The following NUDT17 variants were observed in gnomAD, a reference collection of about 807,000 sequenced individuals.
NUDT17 encodes the protein m7GpppN-mRNA hydrolase NUDT17.
In NUDT17, 38 loss-of-function variants were observed where a neutral mutation model predicts 38.6. The ratio of observed to expected loss-of-function variants is 0.98; its 90% confidence interval spans 0.76 to 1.29. The LOEUF is 1.29. Ranked by LOEUF, NUDT17 falls within the 50% of genes most tolerant of loss-of-function variation. The pLI, the probability that NUDT17 is intolerant of heterozygous loss-of-function variation, is 0.00. For missense variants in NUDT17, 462 were observed against 415.2 expected, an observed-to-expected ratio of 1.11 and a Z score of -0.98; for synonymous variants, 192 against 167.8, an observed-to-expected ratio of 1.14 and a Z score of -1.11.
intron 3 of NUDT17, 43 bp downstream of exon 3, chr1:145,846,501 C>G (rs782270569): frequency 1.2e-6 from 2 of 1,608,210 alleles, no homozygotes; most frequent in Admixed American, 1.7e-5. Flanking sequence ...AGACCCATGC[C>G]TGGGACCATC....
Position 145,848,422 on chromosome 1 carries a change from A to C in NUDT17, c.930A>C (p.Pro310=), listed in dbSNP as rs1553733283. The C allele has an allele frequency of 3.1e-6, 5 of 1,614,094 alleles. No homozygotes were observed. Among genetic ancestry groups the C allele is most frequent in the Admixed American group, 1.7e-5 (1 of 60,006 alleles). ...GTGCAGCTTACCTGGACCCAGGGCC[A>C]GCAAAGGAAGAATGGAACATGGACC... ...CKSAAYLDPG[P]AKEEWNMDPL... is the part of the protein sequence containing the mutation. The change falls in exon 8 of 8, where the codon CCA becomes CCC. Residue 310 remains proline, a synonymous_variant. Coordinates refer to ENST00000334513, the MANE Select transcript of NUDT17 (RefSeq NM_001012758.3).
chr1:145,848,660 C>T lies in NUDT17; in HGVS notation c.*181C>T. The T allele has an allele frequency of 1.7e-6, 1 of 586,774 alleles. No individual in the cohort carries two copies. The highest frequency in any genetic ancestry group is 2.1e-5 in the South Asian group (1 of 47,392). 36.3% of individuals were successfully genotyped at this position (586,774 alleles called of 1,614,324 possible). A position where few individuals can be genotyped will look rare whatever the true frequency, so the allele number is the denominator to read the frequency against. On this transcript the variant is annotated 3_prime_UTR_variant, in exon 8 of 8. Transcript: ENST00000334513. ...GGAGGGCACAGGGTCCTTCCACCTC[C>T]CTGGAAAGGTGCAGAATGAGCCAGG...
chr1:145,847,495 T>G (rs587754675), intron 5 of NUDT17, 88 bp from the exon 6 acceptor site: 2 of 1,565,582 alleles, frequency 1.3e-6, no homozygotes, highest in African/African-American at 2.7e-5. Context: ...CTCCTGCCTT[T>G]CTCCATGAAA....
rs1482278382 is a variant in NUDT17 at position 145,848,228 on chromosome 1, A to C, written c.848A>C (p.Lys283Thr). The C allele has an allele frequency of 2.5e-6, 4 of 1,614,212 alleles. No homozygotes were observed. Among genetic ancestry groups the C allele is most frequent in the Non-Finnish European group, 3.4e-6 (4 of 1,180,042 alleles). ...AAAGAGAGAGTCAGCACTGGAACCAAGTTTGCCCTCAAGCTCTGGCTGCAA... is the reference window on the plus strand; with the variant it reads ...AAAGAGAGAGTCAGCACTGGAACCACGTTTGCCCTCAAGCTCTGGCTGCAA... ...EDKERVSTGT[K>T]FALKLWLQHL... is the part of the protein sequence containing the mutation. The change falls in exon 7 of 8, where the codon AAG (lysine) becomes ACG (threonine). Residue 283 changes from lysine (K) to threonine (T), a missense_variant. Physicochemically the swap from Lys to Thr is moderately conservative, Grantham distance 78 (BLOSUM62 -1). Coordinates refer to ENST00000334513, the MANE Select transcript of NUDT17 (RefSeq NM_001012758.3).
In NUDT17 at chr1:145,848,117, T is replaced by C; in HGVS notation, c.737T>C (p.Val246Ala). The change falls in exon 7 of 8, where the codon GTG (valine) becomes GCG (alanine). Residue 246 changes from valine (V) to alanine (A), a missense_variant. Coordinates refer to ENST00000334513, the MANE Select transcript of NUDT17 (RefSeq NM_001012758.3). ...PQDLPPSVLA[V>A]ELEEDGRARP... ...CAGGAGTTGTCACCATGCAGTGCAG[T>C]GGAACTAGAGGAGGATGGAAGAGCC... The C allele has an allele frequency of 2.5e-6, 4 of 1,613,464 alleles. No homozygotes were observed. Among genetic ancestry groups the C allele is most frequent in the South Asian group, 1.1e-5 (1 of 91,040 alleles).
Position 145,847,629 on chromosome 1 carries a change from T to C in NUDT17, c.641T>C (p.Leu214Pro). ...AATGAGGTGAGCGCCCTTATGTGGC[T>C]GACACCAGATGTAGCTGCTGCAGTG... The part of the protein sequence containing the change: ...NPNEVSALMW[L>P]TPDVAAAVAA... Residue 214 changes from leucine (L) to proline (P), a missense_variant, in exon 6 of 8, where the codon CTG becomes CCG. Physicochemically the swap from Leu to Pro is moderately conservative, Grantham distance 98. Coordinates refer to ENST00000334513, the MANE Select transcript of NUDT17 (RefSeq NM_001012758.3). 3 of 1,614,042 alleles carry C rather than the reference T, an allele frequency of 1.9e-6. No homozygotes were observed. The highest frequency in any genetic ancestry group is 2.5e-6 in the Non-Finnish European group (3 of 1,180,002).
At position 145,845,633 on chromosome 1, in the gene NUDT17, G is replaced by A. The variant is rs914172355; in HGVS notation, c.-8G>A. ...CCAGGCGGGCCGCAGCGACTCCAGAGTCGCGTTATGGCCGAGGTGCGGGTG... is the reference window on the plus strand; with the variant it reads ...CCAGGCGGGCCGCAGCGACTCCAGAATCGCGTTATGGCCGAGGTGCGGGTG... On this transcript the variant is annotated 5_prime_UTR_variant, in exon 1 of 8. Coordinates refer to ENST00000334513, the MANE Select transcript of NUDT17 (RefSeq NM_001012758.3). 2.0e-6 allele frequency: 3 copies of A among 1,504,780 alleles called. No homozygotes were observed. The African/African-American group carries it at 4.2e-5, about 21-fold the overall frequency. 93.2% of individuals were successfully genotyped at this position (1,504,780 alleles called of 1,614,324 possible). A position where few individuals can be genotyped will look rare whatever the true frequency, so the allele number is the denominator to read the frequency against.
intron 6 of NUDT17, 80 bp downstream of exon 6, chr1:145,847,799 G>A: frequency 3.4e-6 from 5 of 1,482,758 alleles, no homozygotes; most frequent in South Asian, 2.3e-5. Flanking sequence ...CTGTCCTCAG[G>A]ATGGAATTTT....
At chr1:145,846,382 T>C in intron 2 of NUDT17, 51 bp from the exon 3 acceptor site, 1 of 1,609,258 alleles carries the variant, frequency 6.2e-7, no homozygotes, top group Non-Finnish European at 8.5e-7. Context: ...GAGTGGGGGC[T>C]CCCTGGCCAA....
chr1:145,847,430 G>T (rs1242282230), intron 5 of NUDT17, 82 bp downstream of exon 5: 4 of 1,321,084 alleles, frequency 3.0e-6, no homozygotes, highest in Non-Finnish European at 4.3e-6. Context: ...GAGCTGGGCG[G>T]GGGTGGCGGG....
chr1:145,846,050 G>A lies in NUDT17; in HGVS notation c.230G>A (p.Arg77Gln), dbSNP rs1553732315. 1 of 1,605,054 alleles carries A rather than the reference G, an allele frequency of 6.2e-7. No homozygotes were observed. Among genetic ancestry groups the A allele is most frequent in the South Asian group, 1.1e-5 (1 of 89,292 alleles). ...TGCCCTTTTGCGGCCCTGGAGGAGC[G>A]GCCCAGGGTCCCTGGGGCTGAGCTG... ...PFCPFAALEE[R>Q]PRVPGAELPT... is the part of the protein sequence containing the mutation. The change falls in exon 2 of 8, where the codon CGG (arginine) becomes CAG (glutamine). Residue 77 changes from arginine to glutamine, a missense_variant. Transcript: ENST00000334513.
chr1:145,846,036 G>A lies in NUDT17; in HGVS notation c.216G>A (p.Ala72=), dbSNP rs782003573. The A allele has an allele frequency of 6.2e-7, 1 of 1,603,886 alleles. No individual in the cohort carries two copies. Among genetic ancestry groups the A allele is most frequent in the Non-Finnish European group, 8.5e-7 (1 of 1,176,024 alleles). Residue 72 remains alanine (A), a synonymous_variant, in exon 2 of 8, where the codon GCG becomes GCA. Transcript: ENST00000334513. ...AGCGACCCCCTTTCTGCCCTTTTGC[G>A]GCCCTGGAGGAGCGGCCCAGGGTCC... ...PLQRPPFCPF[A]ALEERPRVPG... is the part of the protein sequence containing the mutation.
chr1:145,846,003 C>A lies in NUDT17; in HGVS notation c.193-10C>A. 6.3e-7 allele frequency: 1 copy of A among 1,593,096 alleles called. No homozygotes were observed. The highest frequency in any genetic ancestry group is 1.7e-4 in the Middle Eastern group (1 of 6,040). ...CTGAAGCCTTAACCCAGCTGGCTTCCTTCTGCCAGCGACCCCCTTTCTGCC... is the reference window on the plus strand; with the variant it reads ...CTGAAGCCTTAACCCAGCTGGCTTCATTCTGCCAGCGACCCCCTTTCTGCC... On this transcript the variant is annotated splice_polypyrimidine_tract_variant and intron_variant, in intron 1 of 7. Transcript: ENST00000334513.
chr1:145,848,680 G>A lies in NUDT17; in HGVS notation c.*201G>A. ...ACCTCCCTGGAAAGGTGCAGAATGA[G>A]CCAGGCCTAACTACAGGGCCATGAG... On this transcript the variant is annotated 3_prime_UTR_variant, in exon 8 of 8. Coordinates refer to ENST00000334513, the MANE Select transcript of NUDT17 (RefSeq NM_001012758.3). 2 of 564,314 alleles carry A rather than the reference G, an allele frequency of 3.5e-6. No homozygotes were observed. The highest frequency in any genetic ancestry group is 6.0e-5 in the East Asian group (2 of 33,522). The allele number at this position is 564,314 out of a possible 1,614,324, so 35.0% of individuals were successfully genotyped here.
rs1652682515 is a variant in NUDT17 at position 145,846,455 on chromosome 1, G to A, written c.399G>A (p.Glu133=). 6.2e-7 allele frequency: 1 copy of A among 1,613,498 alleles called. No individual in the cohort carries two copies. The highest frequency in any genetic ancestry group is 8.5e-7 in the Non-Finnish European group (1 of 1,179,480). The change falls in exon 3 of 8, where the codon GAG becomes GAA. Residue 133 remains glutamate (E), a synonymous_variant. Transcript: ENST00000334513. ...VPPGGHVELE[E]ELLDGGLREL... is the part of the protein sequence containing the mutation. ...CAGGTGGGCACGTGGAACTTGAGGAGGAGGTAACCAGTCAGCTGATCCAAC... is the reference window on the plus strand; with the variant it reads ...CAGGTGGGCACGTGGAACTTGAGGAAGAGGTAACCAGTCAGCTGATCCAAC...
chr1:145,847,130 G>C, intron 4 of NUDT17, 120 bp from the exon 5 acceptor site: 2 of 619,052 alleles, frequency 3.2e-6, no homozygotes. Flanking sequence ...GGAGGCAGAG[G>C]TTGCAGTGAG....
rs1456554349 is a variant in NUDT17 at position 145,848,442 on chromosome 1, T to C, written c.950T>C (p.Met317Thr). 1 of 1,614,002 alleles carries C rather than the reference T, an allele frequency of 6.2e-7. No homozygotes were observed. Among genetic ancestry groups the C allele is most frequent in the Non-Finnish European group, 8.5e-7 (1 of 1,180,002 alleles). Residue 317 changes from methionine (M) to threonine (T), a missense_variant, in exon 8 of 8, where the codon ATG becomes ACG. Met to Thr is a moderately conservative substitution (Grantham distance 81). Coordinates refer to ENST00000334513, the MANE Select transcript of NUDT17 (RefSeq NM_001012758.3). ...GGGCCAGCAAAGGAAGAATGGAACA[T>C]GGACCCTCTTCCCCCAAACCAGGGG... is the stretch of plus-strand genomic sequence containing the variant. Reference protein sequence around the residue: ...DPGPAKEEWNMDPLPPNQGSG... With the variant: ...DPGPAKEEWNTDPLPPNQGSG...
rs1249709332 is a variant in NUDT17 at position 145,847,476 on chromosome 1, T to C, written c.595-107T>C. 2.6e-5 allele frequency: 39 copies of C among 1,496,138 alleles called. No homozygotes were observed. In the African/African-American group the frequency reaches 4.7e-4, roughly 18 times the overall value. The allele number at this position is 1,496,138 out of a possible 1,614,324, so 92.7% of individuals were successfully genotyped here. On this transcript the variant is annotated intron_variant, in intron 5 of 7. Coordinates refer to ENST00000334513, the MANE Select transcript of NUDT17 (RefSeq NM_001012758.3). ...GATAACGAAGAATATGCAATGCCCT[T>C]TCCCCTTGCTCCTGCCTTTCTCCAT...
Position 145,848,278 on chromosome 1 carries a change from A to G in NUDT17, c.884+14A>G, listed in dbSNP as rs782538205. On this transcript the variant is annotated intron_variant, in intron 7 of 7. Transcript: ENST00000334513. Reference sequence around the variant, plus strand: ...ACATCTGGGCAGGTAAAAGTGAAAAAGGACTGGAGAGCTCCACAGTACTGG... The same window carrying G: ...ACATCTGGGCAGGTAAAAGTGAAAAGGGACTGGAGAGCTCCACAGTACTGG... 2 of 1,614,022 alleles carry G rather than the reference A, an allele frequency of 1.2e-6. No homozygotes were observed. The highest frequency in any genetic ancestry group is 8.5e-7 in the Non-Finnish European group (1 of 1,179,866).
Sources: allele counts gnomAD v4.1 joint callset, GRCh38; gene constraint gnomAD v4.1.1; transcripts MANE v1.5; gene names NCBI Gene and HGNC (gene_info 2026-07-23, HGNC 2026-07-21).